Variants in ZNF521 observed in about 807,000 individuals in gnomAD.
ZNF521 encodes the protein zinc finger protein 521, also known as LYST-interacting protein 3.
In ZNF521, 14 loss-of-function variants were observed where a neutral mutation model predicts 105.5. The observed-to-expected ratio is 0.13, with a 90% CI of 0.09 to 0.21. The LOEUF (loss-of-function observed/expected upper bound fraction) is 0.21, where lower values mean the gene tolerates loss of function less well. ZNF521 is among the 10% of genes least tolerant of loss of function. ZNF521 has a pLI of 1.00. For missense variants in ZNF521, 1,233 were observed against 1,629.7 expected (o/e 0.76, Z 4.19); for synonymous variants, 635 against 606.0 (o/e 1.05, Z -0.70).
chr18:25,265,704 A>C (rs1314854487), intron 3 of ZNF521, among the ~76,000 whole-genome samples: 1 of 152,234 alleles, frequency 6.6e-6, no homozygotes, highest in Admixed American at 6.5e-5. Flanking sequence ...CCCAAAAGAA[A>C]GGAATCAGTA....
chr18:25,203,924 T>A (rs752837833), intron 4 of ZNF521, among the ~76,000 whole-genome samples: 1 of 152,098 alleles, frequency 6.6e-6, no homozygotes, highest in Non-Finnish European at 1.5e-5. Flanking sequence ...TGGAGGTGGA[T>A]CTCTCAAAGC....
chr18:25,213,885 C>G (rs2036236675), intron 4 of ZNF521, among the ~76,000 whole-genome samples: 1 of 152,162 alleles, frequency 6.6e-6, no homozygotes, highest in East Asian at 1.9e-4. Context: ...TATACTGTAA[C>G]TTAAATTCTC....
At chr18:25,228,246 C>T (rs1420681697) in intron 3 of ZNF521, among the ~76,000 whole-genome samples, 1 of 152,178 alleles carries the variant, frequency 6.6e-6, no homozygotes, top group Non-Finnish European at 1.5e-5. Flanking sequence ...CTTATTGATA[C>T]AGACCTTATT....
chr18:25,187,089 C>A (rs980599565), intron 5 of ZNF521, among the ~76,000 whole-genome samples: 1 of 152,036 alleles, frequency 6.6e-6, no homozygotes, highest in Non-Finnish European at 1.5e-5. Context: ...AAATCTTGTA[C>A]AAGTGCTCTT....
chr18:25,266,924 C>T (rs1269802559), intron 3 of ZNF521, among the ~76,000 whole-genome samples: 1 of 152,186 alleles, frequency 6.6e-6, no homozygotes, highest in Non-Finnish European at 1.5e-5. Context: ...ACCAGCTAGA[C>T]AGTACCGTTC....
intron 3 of ZNF521, among the ~76,000 whole-genome samples, chr18:25,313,702 A>T (rs1912448936): frequency 6.6e-6 from 1 of 152,214 alleles, no homozygotes; most frequent in Non-Finnish European, 1.5e-5. Context: ...TTTCATCTTT[A>T]CCTAATTTTT....
intron 3 of ZNF521, among the ~76,000 whole-genome samples, chr18:25,268,242 T>A (rs999387968): frequency 7.9e-5 from 12 of 151,962 alleles, no homozygotes; most frequent in Non-Finnish European, 1.5e-4. Flanking sequence ...TAAGAAAGAA[T>A]GAAAAGAAAC....
chr18:25,261,345 A>G (rs879464646), intron 3 of ZNF521, among the ~76,000 whole-genome samples: 9 of 152,074 alleles, frequency 5.9e-5, no homozygotes, highest in Non-Finnish European at 1.0e-4. Context: ...AGAGTACCCC[A>G]TACCCTCTGT....
At chr18:25,258,208 CT>C (rs1908655317) in intron 3 of ZNF521, among the ~76,000 whole-genome samples, 1 of 152,172 alleles carries the variant, frequency 6.6e-6, no homozygotes, top group Non-Finnish European at 1.5e-5. Flanking sequence ...AAGTCACTTG[CT>C]TTGTTTCACA....
intron 2 of ZNF521, among the ~76,000 whole-genome samples, chr18:25,334,599 A>T (rs549905651): frequency 2.6e-4 from 40 of 152,198 alleles, no homozygotes; most frequent in South Asian, 1.5e-3. Context: ...AGTGAACTCA[A>T]CTCTCCTCCA....
intron 4 of ZNF521, among the ~76,000 whole-genome samples, chr18:25,210,913 T>C (rs530520385): frequency 9.2e-5 from 14 of 152,346 alleles, no homozygotes; most frequent in Middle Eastern, 3.4e-3. Flanking sequence ...AATAACCATA[T>C]TTGTATAAAG....
intron 7 of ZNF521, among the ~76,000 whole-genome samples, chr18:25,063,763 ACT>A (rs1252245056): frequency 2.6e-5 from 4 of 151,386 alleles, no homozygotes; most frequent in African/African-American, 9.7e-5. Flanking sequence ...CCTGATCTCC[ACT>A]CTCCTCCTCT....
At chr18:25,102,478 G>T (rs2033986103) in intron 5 of ZNF521, among the ~76,000 whole-genome samples, 1 of 151,636 alleles carries the variant, frequency 6.6e-6, no homozygotes, top group African/African-American at 2.4e-5. Flanking sequence ...TCTAACTAAG[G>T]ACTTTTTTAA....
intron 3 of ZNF521, among the ~76,000 whole-genome samples, chr18:25,293,218 T>G (rs1911134805): frequency 6.6e-6 from 1 of 152,116 alleles, no homozygotes; most frequent in Admixed American, 6.6e-5. Flanking sequence ...TCCACACAAT[T>G]AAAGAAAACC....
intron 3 of ZNF521, among the ~76,000 whole-genome samples, chr18:25,286,492 G>A (rs1281637019): frequency 6.6e-6 from 1 of 152,096 alleles, no homozygotes; most frequent in Non-Finnish European, 1.5e-5. Flanking sequence ...GCCAATGTCT[G>A]CCACCAACAA....
intron 5 of ZNF521, among the ~76,000 whole-genome samples, chr18:25,098,325 C>T (rs532542007): frequency 6.6e-6 from 1 of 152,260 alleles, no homozygotes; most frequent in Admixed American, 6.5e-5. Context: ...TACATTAGCT[C>T]CTCTAGTTCC....
chr18:25,062,788 GAA>G (rs1447846389), intron 7 of ZNF521, 47 bp from the exon 8 acceptor site: 4 of 1,164,244 alleles, frequency 3.4e-6, no homozygotes, highest in Non-Finnish European at 4.6e-6. Flanking sequence ...AAAAAAAAGA[GAA>G]GAGAGGGAAA....
At chr18:25,241,942 C>A (rs891097178) in intron 3 of ZNF521, among the ~76,000 whole-genome samples, 6 of 152,144 alleles carry the variant, frequency 3.9e-5, no homozygotes, top group African/African-American at 7.2e-5. Context: ...AACAAGTGTA[C>A]AAATTAATTC....
chr18:25,307,353 C>T (rs998532606), intron 3 of ZNF521, among the ~76,000 whole-genome samples: 7 of 152,184 alleles, frequency 4.6e-5, no homozygotes, highest in Non-Finnish European at 8.8e-5. Flanking sequence ...AACCTCTAAA[C>T]TCAAAACTCA....
Sources: allele counts gnomAD v4.1 joint callset (sites outside exome capture counted in the v4.1 genomes callset), GRCh38; gene constraint gnomAD v4.1.1; transcripts MANE v1.5; gene names NCBI Gene and HGNC (gene_info 2026-07-23, HGNC 2026-07-21).